Variants in ATP8A1 observed in about 807,000 individuals in gnomAD.
ATP8A1 encodes phospholipid-transporting ATPase IA.
A neutral mutation model predicts 177.7 loss-of-function variants in ATP8A1; 90 were observed. The observed-to-expected ratio is 0.51, with a 90% CI of 0.43 to 0.60. ATP8A1 has a LOEUF of 0.60. ATP8A1 is among the 20% of genes least tolerant of loss of function. The probability of loss-of-function intolerance (pLI) is 0.00; values close to 1 mark genes in which losing one functional copy is unlikely to be tolerated. For missense variants in ATP8A1, 1,072 were observed against 1,392.8 expected (o/e 0.77, Z 3.67); for synonymous variants, 493 against 485.9 (o/e 1.01, Z -0.19).
At chr4:42,537,966 A>T (rs1483711443) in intron 20 of ATP8A1, among the ~76,000 whole-genome samples, 1 of 152,226 alleles carries the variant, frequency 6.6e-6, no homozygotes, top group Non-Finnish European at 1.5e-5. Context: ...GACTAAGCAA[A>T]AACAACAAAT....
intron 19 of ATP8A1, 26 bp from the exon 20 acceptor site, chr4:42,544,012 G>A (rs774405555): frequency 1.3e-6 from 2 of 1,582,472 alleles, no homozygotes; most frequent in Admixed American, 3.4e-5. Flanking sequence ...TTTGCATAAT[G>A]TGTCATCATA....
At chr4:42,425,425 G>C (rs557166711) in intron 33 of ATP8A1, among the ~76,000 whole-genome samples, 1 of 152,066 alleles carries the variant, frequency 6.6e-6, no homozygotes, top group African/African-American at 2.4e-5. Flanking sequence ...CATGAATTGA[G>C]GGGAAAAAAG....
intron 24 of ATP8A1, among the ~76,000 whole-genome samples, chr4:42,499,146 CAG>C (rs1328863173): frequency 6.6e-6 from 1 of 152,106 alleles, no homozygotes; most frequent in East Asian, 1.9e-4. Flanking sequence ...TCAACAACAG[CAG>C]AGACAATCTA....
chr4:42,445,177 G>A (rs1459327294), intron 31 of ATP8A1, among the ~76,000 whole-genome samples: 4 of 152,132 alleles, frequency 2.6e-5, no homozygotes. Flanking sequence ...TGGGGCTTAC[G>A]CTAGTCATTC....
At chr4:42,508,854 G>A (rs576045653) in intron 22 of ATP8A1, among the ~76,000 whole-genome samples, 1 of 152,326 alleles carries the variant, frequency 6.6e-6, no homozygotes, top group South Asian at 2.1e-4. Flanking sequence ...GCCAGAATTG[G>A]TGATAACAAA....
chr4:42,633,879 GGAA>G (rs1739010067), intron 1 of ATP8A1, among the ~76,000 whole-genome samples: 1 of 152,142 alleles, frequency 6.6e-6, no homozygotes, highest in African/African-American at 2.4e-5. Flanking sequence ...GACACATAAA[GGAA>G]GATAAGGGAC....
chr4:42,640,259 A>C (rs188775776), intron 1 of ATP8A1, among the ~76,000 whole-genome samples: 1 of 152,384 alleles, frequency 6.6e-6, no homozygotes, highest in African/African-American at 2.4e-5. Flanking sequence ...TTAAAAGAAC[A>C]TTTCTGAGAA....
At chr4:42,610,203 A>G (rs1736232595) in intron 5 of ATP8A1, among the ~76,000 whole-genome samples, 1 of 148,050 alleles carries the variant, frequency 6.8e-6, no homozygotes, top group African/African-American at 2.5e-5. Context: ...TCTGCATCTT[A>G]TCTTCCCGAC....
chr4:42,413,793 T>A (rs924680027), intron 36 of ATP8A1, among the ~76,000 whole-genome samples: 7 of 152,230 alleles, frequency 4.6e-5, no homozygotes, highest in Admixed American at 3.3e-4. Flanking sequence ...AAGGGCCAAC[T>A]GTACATCAAA....
Position 42,627,021 on chromosome 4 carries a change from C to T in ATP8A1, c.138G>A (p.Leu46=), listed in dbSNP as rs16854624. ...TGACATGGTTATTGCAGAATTTTGT[C>T]AGCTGGGGCTGGTTGATGAAAATAG... is the stretch of plus-strand genomic sequence containing the variant. The part of the protein sequence containing the change: ...VRTIFINQPQ[L]TKFCNNHVST... Residue 46 remains leucine, a synonymous_variant, in exon 2 of 37, where the codon CTG becomes CTA. Transcript: ENST00000381668. 0.074 allele frequency: 119,763 copies of T among 1,613,642 alleles called. 4,846 individuals carry two copies. Among genetic ancestry groups the T allele is most frequent in the African/African-American group, 0.15 (11,453 of 74,978 alleles).
chr4:42,640,796 G>A (rs1164199579), intron 1 of ATP8A1, among the ~76,000 whole-genome samples: 1 of 152,068 alleles, frequency 6.6e-6, no homozygotes, highest in African/African-American at 2.4e-5. Context: ...CCTAGTACCT[G>A]AGCCCTAGGT....
chr4:42,632,134 G>C (rs181177765), intron 1 of ATP8A1, among the ~76,000 whole-genome samples: 2 of 152,218 alleles, frequency 1.3e-5, no homozygotes, highest in East Asian at 3.9e-4. Flanking sequence ...AACTGAGCAA[G>C]GATCCTTTTC....
intron 1 of ATP8A1, among the ~76,000 whole-genome samples, chr4:42,640,977 A>G (rs1311398850): frequency 6.6e-6 from 1 of 150,834 alleles, no homozygotes; most frequent in Non-Finnish European, 1.5e-5. Flanking sequence ...TAGGAAGTGA[A>G]GGAGCAGACG....
At chr4:42,612,151 G>A (rs1341609053) in intron 5 of ATP8A1, among the ~76,000 whole-genome samples, 1 of 152,124 alleles carries the variant, frequency 6.6e-6, no homozygotes, top group Non-Finnish European at 1.5e-5. Context: ...ATCAGTGACT[G>A]TGAAAGTCTG....
At chr4:42,559,519 T>C (rs1001683467) in intron 15 of ATP8A1, among the ~76,000 whole-genome samples, 2 of 152,208 alleles carry the variant, frequency 1.3e-5, no homozygotes, top group Non-Finnish European at 2.9e-5. Flanking sequence ...GCATGTATCA[T>C]TGGTGAGAAC....
chr4:42,625,430 T>G (rs566819360), intron 3 of ATP8A1, 184 bp downstream of exon 3: 7 of 449,416 alleles, frequency 1.6e-5, no homozygotes, highest in Non-Finnish European at 2.8e-5. Flanking sequence ...CAAAATAAGC[T>G]GATAAAAATG....
chr4:42,506,904 C>T, intron 23 of ATP8A1, 112 bp downstream of exon 23: 1 of 1,277,544 alleles, frequency 7.8e-7, no homozygotes, highest in Non-Finnish European at 1.1e-6. Context: ...TGGAATATTC[C>T]AATCTTGACA....
intron 30 of ATP8A1, among the ~76,000 whole-genome samples, chr4:42,447,447 C>T (rs992863152): frequency 2.6e-5 from 4 of 151,974 alleles, no homozygotes; most frequent in South Asian, 4.2e-4. Flanking sequence ...CCTCCCAAAG[C>T]GCTGGGATTA....
chr4:42,624,387 G>A (rs1333974349), intron 4 of ATP8A1, 149 bp downstream of exon 4: 1 of 426,996 alleles, frequency 2.3e-6, no homozygotes, highest in Non-Finnish European at 4.2e-6. Flanking sequence ...ATCAACTTCA[G>A]GGATAGGAAC....
Sources: allele counts gnomAD v4.1 joint callset (sites outside exome capture counted in the v4.1 genomes callset), GRCh38; gene constraint gnomAD v4.1.1; transcripts MANE v1.5; gene names NCBI Gene and HGNC (gene_info 2026-07-23, HGNC 2026-07-21).